PPARG: variants seen among roughly 807,000 people sequenced by gnomAD.
PPARG encodes the protein peroxisome proliferator activated receptor gamma.
In PPARG, 17 loss-of-function variants were observed where a neutral mutation model predicts 39.2. That is an observed-to-expected ratio of 0.43 (90% CI 0.30 to 0.65). PPARG has a LOEUF of 0.65. Among genes scored for constraint, PPARG ranks in the 30% least tolerant of loss-of-function variants. The pLI is 0.13. For missense variants in PPARG, 406 were observed against 585.9 expected, an observed-to-expected ratio of 0.69 and a Z score of 3.17; for synonymous variants, 223 against 215.7, an observed-to-expected ratio of 1.03 and a Z score of -0.30.
chr3:12,427,336 C>T (rs2051486220), intron 7 of PPARG, among the ~76,000 whole-genome samples: 1 of 152,194 alleles, frequency 6.6e-6, no homozygotes, highest in South Asian at 2.1e-4. Flanking sequence ...CACTCAACTA[C>T]AGGAACGAGA....
intron 1 of PPARG, among the ~76,000 whole-genome samples, chr3:12,291,589 A>C (rs979287608): frequency 6.6e-5 from 10 of 152,206 alleles, no homozygotes; most frequent in Admixed American, 5.9e-4. Context: ...TAATGCACTT[A>C]AAGTAGGTTC....
rs187062008 is a variant in PPARG at position 12,328,170 on chromosome 3, G to A, written c.-9+15717G>A. The A allele has an allele frequency of 3.6e-5, 48 of 1,330,536 alleles. No homozygotes were observed. The East Asian group carries it at 5.3e-4, about 15-fold the overall frequency. The allele number at this position is 1,330,536 out of a possible 1,614,324, so 82.4% of individuals were successfully genotyped here. On this transcript the variant is annotated intron_variant, in intron 2 of 7. Transcript: ENST00000651735. Reference sequence around the variant, plus strand: ...AACTGTTAGAGAAGCAGCAAATAGCGAAGAAAAAATTAAAGAACTAGAACA... The same window carrying A: ...AACTGTTAGAGAAGCAGCAAATAGCAAAGAAAAAATTAAAGAACTAGAACA...
chr3:12,389,341 C>G (rs1193621173), intron 4 of PPARG, among the ~76,000 whole-genome samples: 2 of 152,112 alleles, frequency 1.3e-5, no homozygotes, highest in African/African-American at 4.8e-5. Flanking sequence ...GAGTCCAGTA[C>G]TGATGAACAT....
rs780983036 is a variant in PPARG, at chr3:12,379,710, C to A, written c.-2C>A. 1 of 1,613,702 alleles carries A rather than the reference C, an allele frequency of 6.2e-7. No homozygotes were observed. The highest frequency in any genetic ancestry group is 8.5e-7 in the Non-Finnish European group (1 of 1,179,698). Reference sequence around the variant, plus strand: ...AGTCTATTTTTCCTTTCAGAAATGACCATGGTTGACACAGAGATGCCATTC... The same window carrying A: ...AGTCTATTTTTCCTTTCAGAAATGAACATGGTTGACACAGAGATGCCATTC... On this transcript the variant is annotated 5_prime_UTR_variant, in exon 3 of 8. Transcript: ENST00000651735.
intron 7 of PPARG, among the ~76,000 whole-genome samples, chr3:12,420,661 C>G (rs1408026992): frequency 6.6e-6 from 1 of 152,120 alleles, no homozygotes; most frequent in Admixed American, 6.5e-5. Context: ...GGGGGTGTCC[C>G]TAGAGGACCC....
chr3:12,374,854 A>G (rs2049350706), intron 2 of PPARG, among the ~76,000 whole-genome samples: 1 of 152,196 alleles, frequency 6.6e-6, no homozygotes, highest in Non-Finnish European at 1.5e-5. Context: ...AACTGCTCTC[A>G]CAAAAGTAAA....
In PPARG at chr3:12,408,465, C is replaced by T. The variant is rs182795611; in HGVS notation, c.729+2384C>T. Among the ~76,000 whole-genome samples the T allele has an allele frequency of 3.2e-3, 480 of 152,058 alleles. 3 individuals carry two copies. Among genetic ancestry groups the T allele is most frequent in the African/African-American group, 0.011 (454 of 41,464 alleles). On this transcript the variant is annotated intron_variant, in intron 6 of 7. Transcript: ENST00000651735. The stretch of plus-strand genomic sequence containing the variant: ...AGCTGATTGGACTACAGAAAATAAG[C>T]CATTCATATCCAGGAAGAAAAAATT...
chr3:12,365,410 A>G (rs1239228678), intron 2 of PPARG, among the ~76,000 whole-genome samples: 2 of 151,836 alleles, frequency 1.3e-5, no homozygotes, highest in African/African-American at 4.8e-5. Flanking sequence ...CAGTTATTTC[A>G]TGGTTCATGT....
intron 2 of PPARG, among the ~76,000 whole-genome samples, chr3:12,346,811 T>G (rs1275067498): frequency 6.6e-6 from 1 of 151,760 alleles, no homozygotes; most frequent in Non-Finnish European, 1.5e-5. Context: ...ATTATTTTAT[T>G]TTTTTATAGA....
intron 2 of PPARG, among the ~76,000 whole-genome samples, chr3:12,368,502 A>G (rs945340811): frequency 6.6e-6 from 1 of 152,068 alleles, no homozygotes; most frequent in Non-Finnish European, 1.5e-5. Context: ...TTCTTAATTC[A>G]TGGTGCCCAA....
chr3:12,338,312 T>C (rs1432026803), intron 2 of PPARG, among the ~76,000 whole-genome samples: 1 of 152,244 alleles, frequency 6.6e-6, no homozygotes, highest in African/African-American at 2.4e-5. Flanking sequence ...CTGTCACTAA[T>C]TGGCTGTGTG....
chr3:12,374,747 T>C (rs2049345875), intron 2 of PPARG, among the ~76,000 whole-genome samples: 1 of 152,090 alleles, frequency 6.6e-6, no homozygotes, highest in Middle Eastern at 3.2e-3. Flanking sequence ...GTGTTAGTAA[T>C]AGGGGAAAAC....
At chr3:12,336,208 C>T (rs1444308830) in intron 2 of PPARG, among the ~76,000 whole-genome samples, 2 of 152,118 alleles carry the variant, frequency 1.3e-5, no homozygotes, top group Admixed American at 6.6e-5. Context: ...CTGAATTCTC[C>T]GTAATAAGAT....
intron 2 of PPARG, among the ~76,000 whole-genome samples, chr3:12,366,105 T>A (rs2049006553): frequency 6.6e-6 from 1 of 152,074 alleles, no homozygotes; most frequent in Non-Finnish European, 1.5e-5. Flanking sequence ...CCTATATAGG[T>A]TTCATATATA....
At chr3:12,375,245 GGAGAGAGAGAGA>G (rs141166078) in intron 2 of PPARG, among the ~76,000 whole-genome samples, 1 of 147,922 alleles carries the variant, frequency 6.8e-6, no homozygotes, top group African/African-American at 2.5e-5. Context: ...TGGGGAGGTG[GGAGAGAGAGAGA>G]GAGAGAGAGA....
chr3:12,402,288 G>T (rs1223926516), intron 5 of PPARG, among the ~76,000 whole-genome samples: 2 of 152,076 alleles, frequency 1.3e-5, no homozygotes, highest in African/African-American at 4.8e-5. Context: ...TAGGATAACT[G>T]GTTTTCTCTG....
chr3:12,377,367 G>A (rs1052749192), intron 2 of PPARG, among the ~76,000 whole-genome samples: 6 of 152,076 alleles, frequency 3.9e-5, no homozygotes, highest in African/African-American at 1.4e-4. Flanking sequence ...ACACTCTCGG[G>A]TGTGATCAAA....
At chr3:12,425,694 A>C (rs1038725185) in intron 7 of PPARG, among the ~76,000 whole-genome samples, 1 of 152,086 alleles carries the variant, frequency 6.6e-6, no homozygotes, top group African/African-American at 2.4e-5. Context: ...GCAGAAATGT[A>C]CGTACATCAC....
intron 3 of PPARG, 100 bp from the exon 4 acceptor site, chr3:12,381,222 T>A: frequency 8.4e-7 from 1 of 1,194,968 alleles, no homozygotes; most frequent in Non-Finnish European, 1.2e-6. Flanking sequence ...ACTGAAACAA[T>A]ACAAATACAG....
Sources: allele counts gnomAD v4.1 joint callset (sites outside exome capture counted in the v4.1 genomes callset), GRCh38; gene constraint gnomAD v4.1.1; transcripts MANE v1.5; gene names NCBI Gene and HGNC (gene_info 2026-07-23, HGNC 2026-07-21).